Variants in HTR3C observed in about 807,000 individuals in gnomAD.
HTR3C encodes the protein 5-HT3-C.
HTR3C carries 32 observed loss-of-function variants against 40.5 expected under a neutral mutation model. That is an observed-to-expected ratio of 0.79 (90% confidence interval 0.60 to 1.06). The LOEUF is 1.06. Ranked by LOEUF, HTR3C falls within the 50% of genes least tolerant of loss-of-function variation. The probability of loss-of-function intolerance (pLI) is 0.00; values close to 1 mark genes in which losing one functional copy is unlikely to be tolerated. For synonymous variants in HTR3C, 209 were observed against 217.1 expected (o/e 0.96, Z 0.33); for missense variants, 523 against 556.8 (o/e 0.94, Z 0.61).
In HTR3C at chr3:184,056,211, A is replaced by C; in HGVS notation, c.314A>C (p.Lys105Thr). ...AATCCTTTCATTAATTGGAACCCAAAAGAGTGTGTTGGCATCAATAAACTC... is the reference window on the plus strand; with the variant it reads ...AATCCTTTCATTAATTGGAACCCAACAGAGTGTGTTGGCATCAATAAACTC... ...WDNPFINWNPKECVGINKLTV... is the reference protein window; with the variant it reads ...WDNPFINWNPTECVGINKLTV... The change falls in exon 4 of 9, where the codon AAA becomes ACA. Residue 105 changes from lysine (K) to threonine (T), a missense_variant. Lys to Thr is a moderately conservative substitution (Grantham distance 78, BLOSUM62 -1). Transcript: ENST00000318351. 3 of 1,613,956 alleles carry C rather than the reference A, an allele frequency of 1.9e-6. No individual in the cohort carries two copies. Among genetic ancestry groups the C allele is most frequent in the Non-Finnish European group, 2.5e-6 (3 of 1,179,806 alleles).
At chr3:184,055,038 A>G in intron 2 of HTR3C, 151 bp downstream of exon 2, 3 of 756,192 alleles carry the variant, frequency 4.0e-6, no homozygotes, top group South Asian at 1.9e-5. Flanking sequence ...TATGCGATGG[A>G]GAGGCACGAA....
At chr3:184,053,590 C>G (rs974234988) in intron 1 of HTR3C, among the ~76,000 whole-genome samples, 1 of 152,064 alleles carries the variant, frequency 6.6e-6, no homozygotes, top group African/African-American at 2.4e-5. Flanking sequence ...GGACACATAC[C>G]TTAAATATTA....
chr3:184,053,093 T>C lies in HTR3C; in HGVS notation c.13T>C (p.Trp5Arg). 1 of 1,613,476 alleles carries C rather than the reference T, an allele frequency of 6.2e-7. No homozygotes were observed. Among genetic ancestry groups the C allele is most frequent in the South Asian group, 1.1e-5 (1 of 91,070 alleles). Residue 5 changes from tryptophan (W) to arginine (R), a missense_variant, in exon 1 of 9, where the codon TGG becomes CGG. Physicochemically the swap from Trp to Arg is moderately radical, Grantham distance 101. Coordinates refer to ENST00000318351, the MANE Select transcript of HTR3C (RefSeq NM_130770.3). The stretch of plus-strand genomic sequence containing the variant: ...TCCAGAAAGAAGAATGGAAGGAGGG[T>C]GGCCTGCAAGGCAGAGTGCCCTCCT... MEGG[W>R]PARQSALLCL...
rs55810331 is a variant in HTR3C at position 184,056,965 on chromosome 3, C to T, written c.480C>T (p.Ser160=). The T allele has an allele frequency of 0.013, 20,873 of 1,613,106 alleles. 172 individuals carry two copies. Among genetic ancestry groups the T allele is most frequent in the Non-Finnish European group, 0.016 (19,071 of 1,179,138 alleles). Residue 160 remains serine (S), a synonymous_variant, in exon 5 of 9, where the codon AGC becomes AGT. Coordinates refer to ENST00000318351, the MANE Select transcript of HTR3C (RefSeq NM_130770.3). ...IKYDKPMRVT[S]ICNLDIFYFP... ...ATGATAAGCCAATGAGGGTGACCAG[C>T]ATCTGTAACCTGGACATCTTCTACT...
chr3:184,053,983 G>A (rs1034873756), intron 1 of HTR3C, among the ~76,000 whole-genome samples: 1 of 151,988 alleles, frequency 6.6e-6, no homozygotes, highest in Non-Finnish European at 1.5e-5. Context: ...TCGATCTCTC[G>A]ACCTTGTGAT....
Position 184,057,049 on chromosome 3 carries a change from G to T in HTR3C, c.559+5G>T. ...TCAGTTCTTTCCTCTACACAGGTAA[G>T]TGTGACACATTTTGGTAGCTGTTTA... On this transcript the variant is annotated splice_donor_5th_base_variant and intron_variant, in intron 5 of 8. Transcript: ENST00000318351. The T allele has an allele frequency of 6.3e-7, 1 of 1,593,048 alleles. No homozygotes were observed. The highest frequency in any genetic ancestry group is 8.6e-7 in the Non-Finnish European group (1 of 1,165,862).
chr3:184,055,032 C>A, intron 2 of HTR3C, 145 bp downstream of exon 2: 1 of 810,512 alleles, frequency 1.2e-6, no homozygotes, highest in Non-Finnish European at 1.9e-6. Flanking sequence ...TTTTCCTATG[C>A]GATGGAGAGG....
intron 7 of HTR3C, 82 bp downstream of exon 7, chr3:184,059,722 T>G: frequency 6.3e-7 from 1 of 1,591,816 alleles, no homozygotes; most frequent in East Asian, 2.2e-5. Flanking sequence ...GCTGCTCCAC[T>G]GAAGGAAGGA....
At chr3:184,056,485 G>A (rs56084142) in intron 4 of HTR3C, among the ~76,000 whole-genome samples, 199 bp downstream of exon 4, 12,064 of 152,196 alleles carry the variant, frequency 0.079, 648 homozygotes, top group Middle Eastern at 0.16. Flanking sequence ...GGTGGCTCAC[G>A]CCTGTAATCC....
intron 3 of HTR3C, among the ~76,000 whole-genome samples, chr3:184,055,670 T>G: frequency 6.6e-6 from 1 of 151,374 alleles, no homozygotes; most frequent in Non-Finnish European, 1.5e-5. Flanking sequence ...GCCAAGATTG[T>G]GCCACTGCAC....
Position 184,056,896 on chromosome 3 carries a change from T to G in HTR3C, c.411T>G (p.Pro137=). The G allele has an allele frequency of 6.2e-7, 1 of 1,611,172 alleles. No individual in the cohort carries two copies. Among genetic ancestry groups the G allele is most frequent in the East Asian group, 2.2e-5 (1 of 44,828 alleles). The part of the protein sequence containing the change: ...IVESMDVDQT[P]SGLTAYISSE... ...ACAGCATGGATGTGGATCAGACGCCTTCCGGTCTCACTGCCTATATCAGCA... is the reference window on the plus strand; with the variant it reads ...ACAGCATGGATGTGGATCAGACGCCGTCCGGTCTCACTGCCTATATCAGCA... The change falls in exon 5 of 9, where the codon CCT becomes CCG. Residue 137 remains proline, a synonymous_variant. Coordinates refer to ENST00000318351, the MANE Select transcript of HTR3C (RefSeq NM_130770.3).
chr3:184,059,313 A>C, intron 6 of HTR3C, 123 bp from the exon 7 acceptor site: 3 of 788,700 alleles, frequency 3.8e-6, no homozygotes, highest in Non-Finnish European at 6.3e-6. Context: ...TATATGCAAA[A>C]GTGTTACTTA....
In HTR3C at chr3:184,058,600, G is replaced by A. The variant is rs767903975; in HGVS notation, c.720+13G>A. On this transcript the variant is annotated intron_variant, in intron 6 of 8. Coordinates refer to ENST00000318351, the MANE Select transcript of HTR3C (RefSeq NM_130770.3). ...GATCATGTTTTATGTGAGTCCAGGG[G>A]CCCCTGTTTGACTTCTGATCCCAGC... is the stretch of plus-strand genomic sequence containing the variant. 2 of 1,603,334 alleles carry A rather than the reference G, an allele frequency of 1.2e-6. No homozygotes were observed. Among genetic ancestry groups the A allele is most frequent in the Middle Eastern group, 1.7e-4 (1 of 6,022 alleles).
In HTR3C at chr3:184,059,825, C is replaced by T; in HGVS notation, c.926-3C>T. ...GTTTATTTATAATTTGCTCTGCCCT[C>T]AGGTGTCTACTTCGCCCTGTGCCTG... On this transcript the variant is annotated splice_region_variant and splice_polypyrimidine_tract_variant and intron_variant, in intron 7 of 8. Transcript: ENST00000318351. The T allele has an allele frequency of 6.2e-7, 1 of 1,614,006 alleles. No individual in the cohort carries two copies. The highest frequency in any genetic ancestry group is 8.5e-7 in the Non-Finnish European group (1 of 1,179,960).
Position 184,057,152 on chromosome 3 carries a change from C to T in HTR3C, c.559+108C>T, listed in dbSNP as rs182791857. On this transcript the variant is annotated intron_variant, in intron 5 of 8. Transcript: ENST00000318351. ...ATCAGTGTTGCTCCACTCCGGTGGC[C>T]TAACAAAGCTTTTTGAAAATACCAA... is the stretch of plus-strand genomic sequence containing the variant. 3 of 748,796 alleles carry T rather than the reference C, an allele frequency of 4.0e-6. No individual in the cohort carries two copies. In the East Asian group the frequency reaches 8.1e-5, roughly 20 times the overall value. The allele number at this position is 748,796 out of a possible 1,614,324, so 46.4% of individuals were successfully genotyped here. A position where few individuals can be genotyped will look rare whatever the true frequency, so the allele number is the denominator to read the frequency against.
chr3:184,054,729 G>A lies in HTR3C; in HGVS notation c.76G>A (p.Asp26Asn), dbSNP rs745557511. 54 of 1,594,890 alleles carry A rather than the reference G, an allele frequency of 3.4e-5. No homozygotes were observed. The highest frequency in any genetic ancestry group is 6.7e-5 in the African/African-American group (5 of 74,146). ...TVSLLLQGRG[D>N]AFTINCSGFD... ...GTCTCTGCTCTCTATAGGAAGAGGC[G>A]ACGCTTTTACCATCAATTGCTCAGG... The change falls in exon 2 of 9, where the codon GAC becomes AAC. Residue 26 changes from aspartate to asparagine, a missense_variant. Transcript: ENST00000318351.
chr3:184,056,066 T>C lies in HTR3C; in HGVS notation c.280-111T>C. 8 of 693,344 alleles carry C rather than the reference T, an allele frequency of 1.2e-5. No individual in the cohort carries two copies. In the South Asian group the frequency reaches 1.2e-4, roughly 10 times the overall value. The allele number at this position is 693,344 out of a possible 1,614,324, so 42.9% of individuals were successfully genotyped here. A position where few individuals can be genotyped will look rare whatever the true frequency, so the allele number is the denominator to read the frequency against. On this transcript the variant is annotated intron_variant, in intron 3 of 8. Coordinates refer to ENST00000318351, the MANE Select transcript of HTR3C (RefSeq NM_130770.3). ...GGGGGATAGGCTGTGGTTATTAGGG[T>C]CACAAATGGGAGTGGGAGGATCAAG...
rs991999452 is a variant in HTR3C, at chr3:184,060,664, T to C, written c.*312T>C. 7 of 379,720 alleles carry C rather than the reference T, an allele frequency of 1.8e-5. No homozygotes were observed. The highest frequency in any genetic ancestry group is 2.9e-5 in the Non-Finnish European group (6 of 207,018). The allele number at this position is 379,720 out of a possible 1,614,324, so 23.5% of individuals were successfully genotyped here. ...TTGATTGATCACCCCAATAAACAAC[T>C]TTCCAGGAAGCACTGGCTCTTCAGT... is the stretch of plus-strand genomic sequence containing the variant. On this transcript the variant is annotated 3_prime_UTR_variant, in exon 9 of 9. Coordinates refer to ENST00000318351, the MANE Select transcript of HTR3C (RefSeq NM_130770.3).
chr3:184,054,676 C>T (rs760722166), intron 1 of HTR3C, 45 bp from the exon 2 acceptor site: 1 of 1,477,666 alleles, frequency 6.8e-7, no homozygotes, highest in South Asian at 1.4e-5. Context: ...AGACTCCAGC[C>T]CTGGAAATAG....
Sources: gnomAD v4.1 joint callset for allele counts (sites outside exome capture counted in the v4.1 genomes callset) on GRCh38, gnomAD v4.1.1 for gene constraint, MANE v1.5 for transcripts, NCBI Gene and HGNC (gene_info 2026-07-23, HGNC 2026-07-21) for gene names.